Variants in IK observed in about 807,000 individuals in gnomAD.
IK encodes the protein IK cytokine, also known as protein Red.
IK carries 47 observed loss-of-function variants against 90.9 expected under a neutral mutation model. The observed-to-expected ratio is 0.52, with a 90% CI of 0.41 to 0.66. The LOEUF is 0.66. Ranked by LOEUF, IK falls within the 30% of genes least tolerant of loss-of-function variation. IK has a pLI of 0.00. For synonymous variants in IK, 201 were observed against 227.5 expected, an observed-to-expected ratio of 0.88 and a Z score of 1.05; for missense variants, 385 against 709.3, an observed-to-expected ratio of 0.54 and a Z score of 5.19.
chr5:140,653,914 T>TA, intron 5 of IK, 24 bp from the exon 6 acceptor site: 1 of 1,446,192 alleles, frequency 6.9e-7, no homozygotes, highest in Non-Finnish European at 9.7e-7. Context: ...GTACTGTTCT[T>TA]ATGTGGCCTC....
In IK at chr5:140,661,346, G is replaced by A. The variant is rs1757800781; in HGVS notation, c.1414-274G>A. 6 of 417,572 alleles carry A rather than the reference G, an allele frequency of 1.4e-5. No homozygotes were observed. In the Admixed American group the frequency reaches 2.1e-4, roughly 15 times the overall value. 25.9% of individuals were successfully genotyped at this position (417,572 alleles called of 1,614,324 possible). A position where few individuals can be genotyped will look rare whatever the true frequency, so the allele number is the denominator to read the frequency against. ...TGTGAACTTGCCAAGTTCTTTCACT[G>A]TTTATGCCTCAGTTTCCTCATCAGG... On this transcript the variant is annotated intron_variant, in intron 16 of 19. Transcript: ENST00000417647. This position sits in a 1 kb window ranked among gnomAD's most constrained non-coding sequence, Gnocchi z 4.2.
chr5:140,652,211 G>A, intron 4 of IK, 64 bp downstream of exon 4: 1 of 1,223,650 alleles, frequency 8.2e-7, no homozygotes, highest in Non-Finnish European at 1.2e-6. Context: ...AGAAGTAGGG[G>A]CTAATTATGA....
rs898806620 is a variant in IK at position 140,661,390 on chromosome 5, G to C, written c.1414-230G>C. 1.4e-5 allele frequency: 7 copies of C among 492,388 alleles called. No homozygotes were observed. The South Asian group carries it at 1.8e-4, about 12-fold the overall frequency. 30.5% of individuals were successfully genotyped at this position (492,388 alleles called of 1,614,324 possible). ...CATCAGGAAAATGGAGAGAAATATA[G>C]TTCCCTCTTCATAGATTTTATGAGA... On this transcript the variant is annotated intron_variant, in intron 16 of 19. Transcript: ENST00000417647. The surrounding 1 kb of genome is among the most constrained non-coding windows in gnomAD (Gnocchi z 4.2).
intron 10 of IK, among the ~76,000 whole-genome samples, chr5:140,658,227 AACTCCTGACCTTATG>A (rs750803928): frequency 9.2e-5 from 14 of 152,078 alleles, no homozygotes; most frequent in Non-Finnish European, 2.1e-4. Flanking sequence ...GCTGGCCTCG[AACTCCTGACCTTATG>A]ATGTGCCCAC....
At chr5:140,660,485 A>G in intron 15 of IK, 1 of 541,488 alleles carries the variant, frequency 1.8e-6, no homozygotes, top group Non-Finnish European at 3.3e-6. Context: ...TTTAGTAGAG[A>G]TGAGGTTTCA....
rs1757641243 is a variant in IK, at chr5:140,653,004, A to G, written c.264A>G (p.Glu88=). 1.2e-6 allele frequency: 2 copies of G among 1,613,794 alleles called. No individual in the cohort carries two copies. Among genetic ancestry groups the G allele is most frequent in the Non-Finnish European group, 8.5e-7 (1 of 1,179,848 alleles). Residue 88 remains glutamate (E), a synonymous_variant, in exon 5 of 20, where the codon GAA becomes GAG. Coordinates refer to ENST00000417647, the MANE Select transcript of IK (RefSeq NM_006083.4). Reference sequence around the variant, plus strand: ...ATTATGCCAAGCTACGCCAACAAGAAATTGAGAGAGAGAGAGAGCTAGCAG... The same window carrying G: ...ATTATGCCAAGCTACGCCAACAAGAGATTGAGAGAGAGAGAGAGCTAGCAG... ...KSYYAKLRQQ[E]IERERELAEK...
At chr5:140,655,475 C>T (rs891465222) in intron 8 of IK, among the ~76,000 whole-genome samples, 1 of 152,136 alleles carries the variant, frequency 6.6e-6, no homozygotes, top group Non-Finnish European at 1.5e-5. Flanking sequence ...TCAATATTAC[C>T]TTAAACTTCA....
At chr5:140,655,222 A>C (rs1056148467) in intron 8 of IK, among the ~76,000 whole-genome samples, 1 of 150,620 alleles carries the variant, frequency 6.6e-6, no homozygotes, top group South Asian at 2.2e-4. Context: ...CTTATGAGTT[A>C]AAAGAAGTAA....
intron 9 of IK, among the ~76,000 whole-genome samples, chr5:140,656,786 T>G (rs139951592): frequency 6.6e-6 from 1 of 152,200 alleles, no homozygotes; most frequent in Non-Finnish European, 1.5e-5. Flanking sequence ...TTATACTCTT[T>G]TAGTTGTTTT....
intron 14 of IK, 76 bp downstream of exon 14, chr5:140,659,910 C>G: frequency 9.5e-7 from 1 of 1,052,716 alleles, no homozygotes; most frequent in Non-Finnish European, 1.4e-6. Flanking sequence ...CCTCCCTGCT[C>G]CCTCCTACCC....
At position 140,661,757 on chromosome 5, in the gene IK, T is replaced by C. The variant is rs1436756782; in HGVS notation, c.1502+49T>C. The C allele has an allele frequency of 6.8e-7, 1 of 1,477,832 alleles. No homozygotes were observed. Among genetic ancestry groups the C allele is most frequent in the East Asian group, 2.4e-5 (1 of 42,208 alleles). 91.5% of individuals were successfully genotyped at this position (1,477,832 alleles called of 1,614,324 possible). ...AGGGTGTGAGGAGGGGTGTGGGGAT[T>C]TGGTGGAATAGTGCATATAAGGTTA... On this transcript the variant is annotated intron_variant, in intron 17 of 19. Coordinates refer to ENST00000417647, the MANE Select transcript of IK (RefSeq NM_006083.4). This position sits in a 1 kb window ranked among gnomAD's most constrained non-coding sequence, Gnocchi z 4.2.
chr5:140,660,027 TG>T, intron 14 of IK, 87 bp from the exon 15 acceptor site: 1 of 1,171,326 alleles, frequency 8.5e-7, no homozygotes, highest in South Asian at 1.3e-5. Flanking sequence ...ATTTTCATGT[TG>T]GGGCTTCTAG....
At chr5:140,656,077 C>T in intron 9 of IK, 85 bp downstream of exon 9, 2 of 1,301,680 alleles carry the variant, frequency 1.5e-6, no homozygotes, top group Non-Finnish European at 2.1e-6. Context: ...CCCTTGTCCA[C>T]CATGTCACCA....
intron 10 of IK, among the ~76,000 whole-genome samples, chr5:140,657,961 C>A (rs1365343836): frequency 1.3e-5 from 2 of 152,174 alleles, no homozygotes; most frequent in Middle Eastern, 3.2e-3. Flanking sequence ...TAGACAGATT[C>A]TAAAAAGGCT....
At chr5:140,656,100 T>C (rs945141519) in intron 9 of IK, 108 bp downstream of exon 9, 4 of 971,378 alleles carry the variant, frequency 4.1e-6, no homozygotes, top group Non-Finnish European at 6.0e-6. Context: ...TGCTGTTCAC[T>C]TTTACCTCCT....
intron 3 of IK, 62 bp downstream of exon 3, chr5:140,651,868 C>A (rs1193158627): frequency 2.7e-6 from 3 of 1,107,372 alleles, no homozygotes; most frequent in Admixed American, 1.8e-5. Context: ...CTATTTCTTT[C>A]TACTAAGTAG....
rs770095389 is a variant in IK at position 140,657,544 on chromosome 5, G to A, written c.802-10G>A. 2 of 1,574,742 alleles carry A rather than the reference G, an allele frequency of 1.3e-6. No individual in the cohort carries two copies. Among genetic ancestry groups the A allele is most frequent in the South Asian group, 1.2e-5 (1 of 86,338 alleles). ...AGTGGTTTAACATTCTTGTTTCTTG[G>A]TATTTTCAGGCCCAGACCACACTGA... On this transcript the variant is annotated splice_polypyrimidine_tract_variant and intron_variant, in intron 9 of 19. Coordinates refer to ENST00000417647, the MANE Select transcript of IK (RefSeq NM_006083.4).
At chr5:140,653,201 C>T in intron 5 of IK, 57 bp downstream of exon 5, 1 of 1,445,210 alleles carries the variant, frequency 6.9e-7, no homozygotes, top group Non-Finnish European at 9.6e-7. Context: ...CATGCAAATA[C>T]AATGTGAACT....
At chr5:140,648,733 G>T in intron 2 of IK, 196 bp downstream of exon 2, 2 of 534,540 alleles carry the variant, frequency 3.7e-6, no homozygotes, top group Non-Finnish European at 3.3e-6. Flanking sequence ...CTGCAGGAAA[G>T]GTGTTAAGTT....
Sources: allele counts gnomAD v4.1 joint callset (sites outside exome capture counted in the v4.1 genomes callset), GRCh38; gene constraint gnomAD v4.1.1; non-coding constraint Gnocchi (gnomAD v3.1); transcripts MANE v1.5; gene names NCBI Gene and HGNC (gene_info 2026-07-23, HGNC 2026-07-21).